Variants in WRN observed in about 807,000 individuals in gnomAD.
WRN encodes the protein WRN RecQ like helicase.
WRN carries 149 observed loss-of-function variants against 180.7 expected under a neutral mutation model. The observed-to-expected ratio is 0.82, with a 90% confidence interval of 0.72 to 0.94. WRN has a LOEUF of 0.94. WRN is among the 40% of genes least tolerant of loss of function. The pLI, the probability that WRN is intolerant of heterozygous loss-of-function variation, is 0.00. For synonymous variants in WRN, 548 were observed against 568.9 expected (o/e 0.96, Z 0.52); for missense variants, 1,661 against 1,700.1 (o/e 0.98, Z 0.40).
At position 31,071,638 on chromosome 8, in the gene WRN, C is replaced by T. The variant is rs368167460; in HGVS notation, c.724+3311C>T. Among the ~76,000 whole-genome samples the T allele has an allele frequency of 5.4e-4, 82 of 152,200 alleles. 1 individual carries two copies. In the South Asian group the frequency reaches 8.7e-3, roughly 16 times the overall value. On this transcript the variant is annotated intron_variant, in intron 7 of 34. Transcript: ENST00000298139. ...CTGGGATTACAGGTGCCTGCCACCA[C>T]GCCCAGCTAATTTTTGTGTGTTTAG...
chr8:31,147,451 A>T lies in WRN; in HGVS notation c.3547A>T (p.Ile1183Leu), dbSNP rs1345787894. The change falls in exon 30 of 35, where the codon ATA becomes TTA. Residue 1183 changes from isoleucine (I) to leucine (L), a missense_variant. Ile to Leu is a conservative substitution (Grantham distance 5). This residue lies in a region of WRN where 1,141 missense variants were observed against 1,149.4 expected (regional missense o/e 0.99). Coordinates refer to ENST00000298139, the MANE Select transcript of WRN (RefSeq NM_000553.6). ...VPPAILATNK[I>L]LVDMAKMRPT... ...CCCAGCTATTCTGGCAACAAACAAG[A>T]TACTGGTGGATATGGCCAAAATGAG... 6.2e-7 allele frequency: 1 copy of T among 1,613,820 alleles called. No individual in the cohort carries two copies. The highest frequency in any genetic ancestry group is 1.3e-5 in the African/African-American group (1 of 74,894).
At chr8:31,078,425 CAGG>C (rs1047032170) in intron 8 of WRN, among the ~76,000 whole-genome samples, 4 of 152,078 alleles carry the variant, frequency 2.6e-5, no homozygotes, top group African/African-American at 9.7e-5. Flanking sequence ...CTGTGGAGTG[CAGG>C]AGGCCACATT....
At position 31,134,630 on chromosome 8, in the gene WRN, A is replaced by G. The variant is rs564351330; in HGVS notation, c.2967+2124A>G. On this transcript the variant is annotated intron_variant, in intron 24 of 34. Coordinates refer to ENST00000298139, the MANE Select transcript of WRN (RefSeq NM_000553.6). ...TAGATTAGAAAATAAAAACACACTC[A>G]TTAATTTACATAACTGACAGATTAA... is the stretch of plus-strand genomic sequence containing the variant. Among the ~76,000 whole-genome samples the G allele has an allele frequency of 3.3e-5, 5 of 152,372 alleles. No homozygotes were observed. The South Asian group carries it at 1.0e-3, about 32-fold the overall frequency.
Position 31,143,584 on chromosome 8 carries a change from G to A in WRN, c.3344G>A (p.Cys1115Tyr), listed in dbSNP as rs1802745669. 3.8e-6 allele frequency: 6 copies of A among 1,590,750 alleles called. No individual in the cohort carries two copies. The highest frequency in any genetic ancestry group is 2.2e-5 in the East Asian group (1 of 44,514). The change falls in exon 28 of 35, where the codon TGT becomes TAT. Residue 1115 changes from cysteine to tyrosine, a missense_variant. Physicochemically the swap from Cys to Tyr is radical, Grantham distance 194. Coordinates refer to ENST00000298139, the MANE Select transcript of WRN (RefSeq NM_000553.6). ...GAGAAGTTATATTCTTATAAACCATGTGATAAGATTTCTTCTGGGAGTAAC... is the reference window on the plus strand; with the variant it reads ...GAGAAGTTATATTCTTATAAACCATATGATAAGATTTCTTCTGGGAGTAAC... ...NLEKLYSYKP[C>Y]DKISSGSNIS...
At position 31,149,455 on chromosome 8, in the gene WRN, GTT is replaced by G. The variant is rs71208105; in HGVS notation, c.3573-851_3573-850del. Among the ~76,000 whole-genome samples, 105 of 51,988 alleles carry G rather than the reference GTT, an allele frequency of 2.0e-3. 19 individuals carry two copies. The highest frequency in any genetic ancestry group is 6.8e-3 in the East Asian group (10 of 1,472). The allele number at this position is 51,988 out of a possible 152,430, so 34.1% of individuals were successfully genotyped here. ...TCTAAGACCATACTTTAATAGAGGTGTTTTTTTTTTTTTTTTTTTTTTTTTTT... is the reference window on the plus strand; with the variant it reads ...TCTAAGACCATACTTTAATAGAGGTGTTTTTTTTTTTTTTTTTTTTTTTTT... On this transcript the variant is annotated intron_variant, in intron 30 of 34. Transcript: ENST00000298139.
chr8:31,147,782 A>G (rs1268695831), intron 30 of WRN, among the ~76,000 whole-genome samples: 2 of 151,846 alleles, frequency 1.3e-5, no homozygotes, highest in Non-Finnish European at 2.9e-5. Context: ...TGATTATCTT[A>G]CCATCACATT....
chr8:31,127,751 A>G (rs1801984113), intron 23 of WRN, among the ~76,000 whole-genome samples: 1 of 152,012 alleles, frequency 6.6e-6, no homozygotes, highest in South Asian at 2.1e-4. Flanking sequence ...TGTCTCTACA[A>G]AAATAAAAAA....
chr8:31,046,970 A>C (rs906281975), intron 1 of WRN, among the ~76,000 whole-genome samples: 1 of 152,184 alleles, frequency 6.6e-6, no homozygotes, highest in African/African-American at 2.4e-5. Flanking sequence ...ATTTGAACTT[A>C]CTATGTAAGA....
intron 26 of WRN, 125 bp downstream of exon 26, chr8:31,141,900 A>C: frequency 1.1e-6 from 1 of 939,530 alleles, no homozygotes; most frequent in South Asian, 1.4e-5. Context: ...TTGTATGCCT[A>C]TTTTAGTCAG....
Position 31,058,355 on chromosome 8 carries a change from A to G in WRN, c.-76-17A>G, listed in dbSNP as rs1036117223. On this transcript the variant is annotated splice_polypyrimidine_tract_variant and intron_variant, in intron 1 of 34. Transcript: ENST00000298139. ...GTATGTTTGGTTTTCATTCATATTGACAGTACTACCTCTCAGTTTTCTTTC... is the reference window on the plus strand; with the variant it reads ...GTATGTTTGGTTTTCATTCATATTGGCAGTACTACCTCTCAGTTTTCTTTC... 1 of 1,040,236 alleles carries G rather than the reference A, an allele frequency of 9.6e-7. No individual in the cohort carries two copies. Among genetic ancestry groups the G allele is most frequent in the African/African-American group, 1.6e-5 (1 of 63,058 alleles). 64.4% of individuals were successfully genotyped at this position (1,040,236 alleles called of 1,614,324 possible). A position where few individuals can be genotyped will look rare whatever the true frequency, so the allele number is the denominator to read the frequency against.
chr8:31,048,595 G>A (rs76423404), intron 1 of WRN, among the ~76,000 whole-genome samples: 1,785 of 152,224 alleles, frequency 0.012, 21 homozygotes, highest in Non-Finnish European at 0.016. Context: ...ACCTCAATGT[G>A]CAAGGTTACA....
rs534726954 is a variant in WRN, at chr8:31,098,321, G to A, written c.1981+1471G>A. 1.6e-4 allele frequency among the ~76,000 whole-genome samples: 24 copies of A among 152,254 alleles called. No homozygotes were observed. The South Asian group carries it at 5.0e-3, about 32-fold the overall frequency. On this transcript the variant is annotated intron_variant, in intron 17 of 34. Coordinates refer to ENST00000298139, the MANE Select transcript of WRN (RefSeq NM_000553.6). ...AAAGCTGGGGTCTATGTCCATAGTG[G>A]TTTGGGTACGTTTTTACTATTTGCT...
In WRN at chr8:31,083,562, A is replaced by G. The variant is rs1813404009; in HGVS notation, c.1270-137A>G. 1.3e-5 allele frequency: 6 copies of G among 461,608 alleles called. 1 individual carries two copies. In the South Asian group the frequency reaches 2.4e-4, roughly 18 times the overall value. The allele number at this position is 461,608 out of a possible 1,614,324, so 28.6% of individuals were successfully genotyped here. A position where few individuals can be genotyped will look rare whatever the true frequency, so the allele number is the denominator to read the frequency against. ...TCCCTTTTTTATCTATCATATAAAT[A>G]TGTAAATATATATTATATATCCATT... On this transcript the variant is annotated intron_variant, in intron 9 of 34. Transcript: ENST00000298139.
chr8:31,045,926 T>G (rs993559862), intron 1 of WRN, among the ~76,000 whole-genome samples: 4 of 152,198 alleles, frequency 2.6e-5, no homozygotes, highest in Admixed American at 2.0e-4. Context: ...CAGTTTTGGG[T>G]CTGGCTGTGC....
intron 7 of WRN, among the ~76,000 whole-genome samples, chr8:31,072,122 G>A (rs957364415): frequency 1.3e-4 from 20 of 152,188 alleles, no homozygotes; most frequent in African/African-American, 3.6e-4. Flanking sequence ...GAACATTTGC[G>A]TGGAGGAGGG....
chr8:31,124,964 T>C lies in WRN; in HGVS notation c.2789T>C (p.Met930Thr), dbSNP rs777323246. 3.1e-6 allele frequency: 5 copies of C among 1,613,234 alleles called. No individual in the cohort carries two copies. Among genetic ancestry groups the C allele is most frequent in the East Asian group, 2.2e-5 (1 of 44,742 alleles). Reference sequence around the variant, plus strand: ...GTACAAAAAGCCTCCTTGGGAATTATGGGAACTGAAAAATGCTGTGATAAT... The same window carrying C: ...GTACAAAAAGCCTCCTTGGGAATTACGGGAACTGAAAAATGCTGTGATAAT... ...KQVQKASLGI[M>T]GTEKCCDNCR... The change falls in exon 23 of 35, where the codon ATG (methionine) becomes ACG (threonine). Residue 930 changes from methionine (M) to threonine (T), a missense_variant. This residue lies in a region of WRN where 1,141 missense variants were observed against 1,149.4 expected (regional missense o/e 0.99). Coordinates refer to ENST00000298139, the MANE Select transcript of WRN (RefSeq NM_000553.6).
At chr8:31,122,860 G>GATTTTTTTTTTTT (rs1801773912) in intron 21 of WRN, among the ~76,000 whole-genome samples, 1 of 69,480 alleles carries the variant, frequency 1.4e-5, no homozygotes, top group South Asian at 6.9e-4. Context: ...TTCTTTTCTT[G>GATTTTTTTTTTTT]TTTTTTTTTT....
intron 1 of WRN, among the ~76,000 whole-genome samples, chr8:31,045,898 A>G (rs1380107229): frequency 6.6e-6 from 1 of 152,106 alleles, no homozygotes; most frequent in East Asian, 1.9e-4. Context: ...GAGTGTATTG[A>G]TTTAATTAAT....
Position 31,067,162 on chromosome 8 carries a change from T to C in WRN, c.634T>C (p.Tyr212His). 1 of 1,613,818 alleles carries C rather than the reference T, an allele frequency of 6.2e-7. No individual in the cohort carries two copies. The highest frequency in any genetic ancestry group is 8.5e-7 in the Non-Finnish European group (1 of 1,179,946). The change falls in exon 6 of 35, where the codon TAT becomes CAT. Residue 212 changes from tyrosine to histidine, a missense_variant. This residue lies in a region of WRN where 500 missense variants were observed against 504.1 expected (regional missense o/e 0.99). Coordinates refer to ENST00000298139, the MANE Select transcript of WRN (RefSeq NM_000553.6). Reference sequence around the variant, plus strand: ...TCCTCTCACTGAGGACCAGAAACTGTATGCAGCCACTGATGCTTATGTACG... The same window carrying C: ...TCCTCTCACTGAGGACCAGAAACTGCATGCAGCCACTGATGCTTATGTACG... ...KFPLTEDQKL[Y>H]AATDAYAGFI...
Sources: allele counts gnomAD v4.1 joint callset (sites outside exome capture counted in the v4.1 genomes callset), GRCh38; gene constraint gnomAD v4.1.1; regional missense constraint gnomAD v4.1.1; transcripts MANE v1.5; gene names NCBI Gene and HGNC (gene_info 2026-07-23, HGNC 2026-07-21).